Variants in CABIN1 observed in about 807,000 individuals in gnomAD.
The protein encoded by CABIN1 is calcineurin binding protein 1.
CABIN1 carries 133 observed loss-of-function variants against 227.7 expected under a neutral mutation model. The ratio of observed to expected loss-of-function variants is 0.58; its 90% CI spans 0.51 to 0.67. The LOEUF is 0.67. CABIN1 is among the 30% of genes least tolerant of loss of function. CABIN1 has a pLI of 0.00. For missense variants in CABIN1, 2,408 were observed against 2,852.5 expected (o/e 0.84, Z 3.55); for synonymous variants, 1,086 against 1,155.1 (o/e 0.94, Z 1.21).
chr22:24,088,952 C>T (rs2041358439), intron 23 of CABIN1, among the ~76,000 whole-genome samples: 1 of 152,154 alleles, frequency 6.6e-6, no homozygotes, highest in South Asian at 2.1e-4. Flanking sequence ...GCACTAAAGT[C>T]CCTTGCGGGA....
At position 24,072,534 on chromosome 22, in the gene CABIN1, G is replaced by A. The variant is rs758876957; in HGVS notation, c.2632+24G>A. Reference sequence around the variant, plus strand: ...AGGTGCACAGGCAGTGGGTGCAGTGGGGATGAGCTCTGACTCCCATGTCCT... The same window carrying A: ...AGGTGCACAGGCAGTGGGTGCAGTGAGGATGAGCTCTGACTCCCATGTCCT... On this transcript the variant is annotated intron_variant, in intron 18 of 36. Transcript: ENST00000263119. 1.5e-5 allele frequency: 25 copies of A among 1,613,804 alleles called. 1 individual carries two copies. Among genetic ancestry groups the A allele is most frequent in the Non-Finnish European group, 2.0e-5 (24 of 1,179,970 alleles).
At position 24,041,718 on chromosome 22, in the gene CABIN1, A is replaced by G. The variant is rs1462525858; in HGVS notation, c.345+445A>G. Among the ~76,000 whole-genome samples the G allele has an allele frequency of 6.6e-5, 10 of 152,366 alleles. No individual in the cohort carries two copies. The East Asian group carries it at 1.7e-3, about 26-fold the overall frequency. The stretch of plus-strand genomic sequence containing the variant: ...GTCATAATAGTATTGCTGTTATTTC[A>G]TGTTACTATCAGTCTGTCTCTGGGC... On this transcript the variant is annotated intron_variant, in intron 5 of 36. Coordinates refer to ENST00000263119, the MANE Select transcript of CABIN1 (RefSeq NM_012295.4).
At chr22:24,140,308 A>G (rs113193257) in intron 29 of CABIN1, among the ~76,000 whole-genome samples, 2,386 of 152,310 alleles carry the variant, frequency 0.016, 39 homozygotes, top group African/African-American at 0.054. Flanking sequence ...AGCAGGGCTC[A>G]GCACTGTGGT....
intron 35 of CABIN1, among the ~76,000 whole-genome samples, chr22:24,176,761 G>T (rs1047858223): frequency 6.6e-6 from 1 of 152,214 alleles, no homozygotes; most frequent in Admixed American, 6.5e-5. Context: ...GCCTCAGTCC[G>T]GCCTGTTCCC....
At chr22:24,011,422 G>C (rs2034799058) in intron 1 of CABIN1, 55 bp downstream of exon 1, 1 of 153,114 alleles carries the variant, frequency 6.5e-6, no homozygotes, top group African/African-American at 2.4e-5. Flanking sequence ...GTGAGGCTCA[G>C]CAGAGCCCGG....
intron 29 of CABIN1, among the ~76,000 whole-genome samples, chr22:24,135,683 G>A (rs1282784786): frequency 1.3e-5 from 2 of 152,220 alleles, no homozygotes; most frequent in African/African-American, 2.4e-5. Flanking sequence ...GACTTTGGCA[G>A]GTCATACACC....
Position 24,113,749 on chromosome 22 carries a change from G to A in CABIN1, c.4300+1G>A. ...CTTCAGGGGGCCACAGAAGAAAGAG[G>A]TATGAAGCCCTAACTCGGTGAATTA... On this transcript the variant is annotated splice_donor_variant, in intron 27 of 36. Transcript: ENST00000263119. LOFTEE classifies it high-confidence loss of function. The A allele has an allele frequency of 6.2e-7, 1 of 1,613,742 alleles. No individual in the cohort carries two copies. The highest frequency in any genetic ancestry group is 8.5e-7 in the Non-Finnish European group (1 of 1,179,982).
rs2046463428 is a variant in CABIN1, at chr22:24,166,655, G to A, written c.5024G>A (p.Gly1675Glu). 1.9e-6 allele frequency: 3 copies of A among 1,612,784 alleles called. No homozygotes were observed. Among genetic ancestry groups the A allele is most frequent in the Non-Finnish European group, 2.5e-6 (3 of 1,179,962 alleles). Residue 1675 changes from glycine to glutamate, a missense_variant, in exon 32 of 37, where the codon GGG becomes GAG. Gly to Glu is a moderately conservative substitution (Grantham distance 98). Coordinates refer to ENST00000263119, the MANE Select transcript of CABIN1 (RefSeq NM_012295.4). The stretch of plus-strand genomic sequence containing the variant: ...TCTTTGTAGGGGTCAGAACGCCCAG[G>A]GCCCAAGGTCTGTGGCCTCCCCGGA... ...SELAEGSERP[G>E]PKVCGLPGAR...
intron 3 of CABIN1, 94 bp downstream of exon 3, chr22:24,036,275 CT>C: frequency 3.4e-6 from 3 of 892,360 alleles, no homozygotes; most frequent in Non-Finnish European, 5.7e-6. Flanking sequence ...CTCAGTGGGG[CT>C]TTAGGGGGAA....
chr22:24,091,098 C>T (rs779866873), intron 23 of CABIN1, among the ~76,000 whole-genome samples: 11 of 152,170 alleles, frequency 7.2e-5, no homozygotes, highest in African/African-American at 1.4e-4. Context: ...ATTTGCCCTT[C>T]TACAAGTACT....
intron 10 of CABIN1, among the ~76,000 whole-genome samples, chr22:24,058,723 T>C (rs2038979167): frequency 6.6e-6 from 1 of 152,210 alleles, no homozygotes; most frequent in Non-Finnish European, 1.5e-5. Context: ...TCCTGCATCT[T>C]TGTATTGCAA....
At chr22:24,064,685 C>T (rs1476588140) in intron 15 of CABIN1, among the ~76,000 whole-genome samples, 1 of 151,764 alleles carries the variant, frequency 6.6e-6, no homozygotes, top group African/African-American at 2.4e-5. Context: ...GTTTGTGTCC[C>T]TGGGTACTTG....
intron 9 of CABIN1, among the ~76,000 whole-genome samples, chr22:24,055,864 C>T (rs755537315): frequency 6.6e-5 from 10 of 152,162 alleles, no homozygotes; most frequent in Non-Finnish European, 1.0e-4. Flanking sequence ...TCACTCTGTC[C>T]GTTCTGGGTA....
At chr22:24,033,547 G>A (rs2036648230) in intron 1 of CABIN1, among the ~76,000 whole-genome samples, 1 of 152,138 alleles carries the variant, frequency 6.6e-6, no homozygotes, top group African/African-American at 2.4e-5. Context: ...GGCCCTTCCA[G>A]CCCCTTCTGC....
Position 24,171,586 on chromosome 22 carries a change from T to G in CABIN1, c.5758-127T>G. 3 of 1,051,378 alleles carry G rather than the reference T, an allele frequency of 2.9e-6. No homozygotes were observed. In the South Asian group the frequency reaches 4.2e-5, roughly 15 times the overall value. The allele number at this position is 1,051,378 out of a possible 1,614,324, so 65.1% of individuals were successfully genotyped here. A position where few individuals can be genotyped will look rare whatever the true frequency, so the allele number is the denominator to read the frequency against. On this transcript the variant is annotated intron_variant, in intron 33 of 36. Coordinates refer to ENST00000263119, the MANE Select transcript of CABIN1 (RefSeq NM_012295.4). ...ATTGTGGGGGCTCAGTGGTGCCATA[T>G]GGGCAGTGTTGGCAGCCCCAGGCGC...
In CABIN1 at chr22:24,175,553, G is replaced by A. The variant is rs1292375783; in HGVS notation, c.6041-558G>A. On this transcript the variant is annotated intron_variant, in intron 34 of 36. Transcript: ENST00000263119. ...GGGACCGATGCTGAGTAGTCACCTG[G>A]CCAGCAGCCACAGGCACAGCATTTG... Among the ~76,000 whole-genome samples, 3 of 152,244 alleles carry A rather than the reference G, an allele frequency of 2.0e-5. 1 individual carries two copies. The highest frequency in any genetic ancestry group is 7.2e-5 in the African/African-American group (3 of 41,466).
intron 18 of CABIN1, among the ~76,000 whole-genome samples, chr22:24,073,910 A>G (rs1290229391): frequency 6.6e-6 from 1 of 152,190 alleles, no homozygotes; most frequent in Non-Finnish European, 1.5e-5. Flanking sequence ...AGGTGCATGC[A>G]CTATTGAACC....
chr22:24,059,293 C>G lies in CABIN1; in HGVS notation c.1329C>G (p.Ala443=). The change falls in exon 11 of 37, where the codon GCC becomes GCG. Residue 443 remains alanine, a synonymous_variant. Transcript: ENST00000263119. ...ATAACTATGAAGTCCAGTCAGAAGC[C>G]AAACTGGAAAGCTTCCCAAGCATTG... is the stretch of plus-strand genomic sequence containing the variant. ...SFNNYEVQSE[A]KLESFPSIGP... is the part of the protein sequence containing the mutation. The G allele has an allele frequency of 6.2e-7, 1 of 1,614,172 alleles. No homozygotes were observed. The highest frequency in any genetic ancestry group is 8.5e-7 in the Non-Finnish European group (1 of 1,180,006).
chr22:24,118,942 G>T (rs1414351446), intron 27 of CABIN1, among the ~76,000 whole-genome samples: 1 of 152,218 alleles, frequency 6.6e-6, no homozygotes, highest in African/African-American at 2.4e-5. Context: ...GCTGAGCACT[G>T]AGCAGGGGAG....
Sources: allele counts gnomAD v4.1 joint callset (sites outside exome capture counted in the v4.1 genomes callset), GRCh38; gene constraint gnomAD v4.1.1; transcripts MANE v1.5; gene names NCBI Gene and HGNC (gene_info 2026-07-23, HGNC 2026-07-21).